CATSPERT: variants seen among roughly 807,000 people sequenced by gnomAD.
CATSPERT encodes the protein catsper channel auxiliary subunit tau.
the CATSPERT span, chr2:201,534,399 C>T: frequency 1.0e-6 from 1 of 983,488 alleles, no homozygotes; most frequent in Middle Eastern, 5.2e-4. Flanking sequence ...ACTTACTTAT[C>T]AAGTGAAAGT....
At chr2:201,547,513 C>T in the CATSPERT span, 7 of 1,518,096 alleles carry the variant, frequency 4.6e-6, no homozygotes, top group African/African-American at 1.4e-5. Context: ...ACCTCAGAAT[C>T]CTTATGTTCC....
chr2:201,539,560 G>GT, the CATSPERT span, among the ~76,000 whole-genome samples: 71,784 of 112,714 alleles, frequency 0.64, 22,597 homozygotes, highest in East Asian at 0.95. Context: ...TAACGAGGTT[G>GT]TTTTTTTTTT....
the CATSPERT span, chr2:201,494,863 C>A: frequency 1.5e-5 from 16 of 1,075,644 alleles, no homozygotes; most frequent in Non-Finnish European, 1.9e-5. Context: ...TGTATCTATT[C>A]AGTCTCCTAC....
At chr2:201,565,978 A>C in the CATSPERT span, 7 of 1,015,348 alleles carry the variant, frequency 6.9e-6, no homozygotes, top group Non-Finnish European at 9.5e-6. Context: ...CTTTTAGCTC[A>C]CCTAGCCACC....
chr2:201,532,933 A>C, the CATSPERT span, among the ~76,000 whole-genome samples: 1 of 152,174 alleles, frequency 6.6e-6, no homozygotes, highest in Non-Finnish European at 1.5e-5. Context: ...AGGCCTCAAA[A>C]AGATTTAAGG....
At chr2:201,511,253 A>G in the CATSPERT span, among the ~76,000 whole-genome samples, 1 of 152,198 alleles carries the variant, frequency 6.6e-6, no homozygotes, top group African/African-American at 2.4e-5. Flanking sequence ...GTACCCTCTG[A>G]TCCAACGATT....
the CATSPERT span, among the ~76,000 whole-genome samples, chr2:201,563,781 C>A: frequency 6.6e-6 from 1 of 152,128 alleles, no homozygotes; most frequent in African/African-American, 2.4e-5. Context: ...CATCTCACTG[C>A]ACAACTGTAA....
chr2:201,619,171 C>T, the CATSPERT span: 3 of 1,604,340 alleles, frequency 1.9e-6, no homozygotes, highest in Non-Finnish European at 1.7e-6. Flanking sequence ...AACCGACGGC[C>T]CGCTACTGCG....
the CATSPERT span, among the ~76,000 whole-genome samples, chr2:201,612,909 T>C: frequency 0.87 from 133,115 of 152,232 alleles, 59,279 homozygotes; most frequent in South Asian, 0.98. Flanking sequence ...TTATATCCCA[T>C]GCCTGGCTTG....
chr2:201,573,727 G>A, the CATSPERT span, among the ~76,000 whole-genome samples: 1 of 152,074 alleles, frequency 6.6e-6, no homozygotes, highest in African/African-American at 2.4e-5. Context: ...TGTGATCTTG[G>A]CTCACTACAA....
chr2:201,585,925 T>C, the CATSPERT span, among the ~76,000 whole-genome samples: 1 of 152,150 alleles, frequency 6.6e-6, no homozygotes, highest in South Asian at 2.1e-4. Flanking sequence ...AGACCCAATG[T>C]GCCTGCCTCT....
chr2:201,563,295 G>A, the CATSPERT span, among the ~76,000 whole-genome samples: 19 of 138,312 alleles, frequency 1.4e-4, no homozygotes, highest in East Asian at 4.1e-4. Context: ...CCTCCCGGAC[G>A]GGGCGGCTGG....
chr2:201,489,955 C>T, the CATSPERT span, among the ~76,000 whole-genome samples: 1 of 151,314 alleles, frequency 6.6e-6, no homozygotes, highest in African/African-American at 2.4e-5. Flanking sequence ...CTCCTGGGTT[C>T]AAGCGATTCT....
the CATSPERT span, chr2:201,493,929 T>G: frequency 6.5e-7 from 1 of 1,537,218 alleles, no homozygotes; most frequent in Non-Finnish European, 8.7e-7. Flanking sequence ...TTTCTAAAAA[T>G]GAATCTGCAG....
At chr2:201,494,839 G>A in the CATSPERT span, 18 of 1,374,672 alleles carry the variant, frequency 1.3e-5, no homozygotes, top group East Asian at 2.3e-4. Flanking sequence ...AATTTTCCTT[G>A]AGCAATCTGT....
At chr2:201,595,937 G>A in the CATSPERT span, among the ~76,000 whole-genome samples, 8 of 142,358 alleles carry the variant, frequency 5.6e-5, no homozygotes, top group Middle Eastern at 3.8e-3. Context: ...AGATGCTGAC[G>A]AAGTTGCAGA....
chr2:201,497,470 T>C, the CATSPERT span, among the ~76,000 whole-genome samples: 6 of 152,226 alleles, frequency 3.9e-5, no homozygotes, highest in Non-Finnish European at 7.3e-5. Context: ...AAAAGAAACA[T>C]GTATGATAAA....
chr2:201,525,222 C>T, the CATSPERT span, among the ~76,000 whole-genome samples: 2 of 152,066 alleles, frequency 1.3e-5, no homozygotes, highest in African/African-American at 4.8e-5. Context: ...AATAAAACAA[C>T]TCTCAGTAAA....
At chr2:201,496,016 A>G in the CATSPERT span, 1 of 1,224,918 alleles carries the variant, frequency 8.2e-7, no homozygotes. Context: ...TAATATAAGA[A>G]TATCAAGATC....
Sources: gnomAD v4.1 joint callset for allele counts (sites outside exome capture counted in the v4.1 genomes callset) on GRCh38, gnomAD v4.1.1 for gene constraint, MANE v1.5 for transcripts, NCBI Gene and HGNC (gene_info 2026-07-23, HGNC 2026-07-21) for gene names.